ZNF277: variants seen among roughly 807,000 people sequenced by gnomAD.
ZNF277 encodes nuclear receptor-interacting factor 4.
Under a neutral mutation model 60.7 loss-of-function variants are expected in ZNF277, and 55 were observed. The observed-to-expected ratio is 0.91, with a 90% CI of 0.73 to 1.13. ZNF277 has a LOEUF of 1.13. ZNF277 is among the 50% of genes most tolerant of loss of function. The pLI, the probability that ZNF277 is intolerant of heterozygous loss-of-function variation, is 0.00. For missense variants in ZNF277, 510 were observed against 523.0 expected, an observed-to-expected ratio of 0.98 and a Z score of 0.24; for synonymous variants, 178 against 179.3, an observed-to-expected ratio of 0.99 and a Z score of 0.06.
intron 1 of ZNF277, among the ~76,000 whole-genome samples, chr7:112,249,412 A>T (rs574474195): frequency 6.6e-6 from 1 of 152,302 alleles, no homozygotes; most frequent in Non-Finnish European, 1.5e-5. Context: ...GAGCCATTTG[A>T]TCCCTTTCAT....
intron 1 of ZNF277, among the ~76,000 whole-genome samples, chr7:112,230,164 C>T (rs1044505492): frequency 7.2e-5 from 11 of 152,088 alleles, no homozygotes; most frequent in Middle Eastern, 3.4e-3. Context: ...CAGTGGCTCA[C>T]GCCTGTAATC....
At chr7:112,332,843 T>C (rs1425562488) in intron 7 of ZNF277, among the ~76,000 whole-genome samples, 3 of 152,208 alleles carry the variant, frequency 2.0e-5, no homozygotes, top group Admixed American at 2.0e-4. Flanking sequence ...ACTAAAGATA[T>C]ACACAGGCAC....
chr7:112,265,427 T>G (rs1187798370), intron 1 of ZNF277, among the ~76,000 whole-genome samples: 1 of 152,194 alleles, frequency 6.6e-6, no homozygotes, highest in Non-Finnish European at 1.5e-5. Flanking sequence ...GGGCGCAATT[T>G]GTTAGCTCCC....
intron 3 of ZNF277, 79 bp from the exon 4 acceptor site, chr7:112,296,150 A>G: frequency 8.9e-7 from 1 of 1,122,638 alleles, no homozygotes; most frequent in Non-Finnish European, 1.3e-6. Flanking sequence ...ACACATCTGT[A>G]TTTTTTAAGA....
intron 4 of ZNF277, among the ~76,000 whole-genome samples, chr7:112,296,919 T>TATTTATTA (rs1563219735): frequency 3.1e-5 from 2 of 65,334 alleles, no homozygotes; most frequent in Admixed American, 1.6e-4. Flanking sequence ...TTTATTTTTT[T>TATTTATTA]TTTTTTTTTT....
At chr7:112,260,038 G>A (rs1168449093) in intron 1 of ZNF277, among the ~76,000 whole-genome samples, 2 of 152,144 alleles carry the variant, frequency 1.3e-5, no homozygotes, top group Non-Finnish European at 2.9e-5. Context: ...AGGTCAACGC[G>A]GGTGAATTGC....
intron 5 of ZNF277, among the ~76,000 whole-genome samples, chr7:112,318,474 A>C (rs570860542): frequency 6.6e-6 from 1 of 152,228 alleles, no homozygotes; most frequent in South Asian, 2.1e-4. Context: ...AAATTCTTAA[A>C]ATGACAGAAG....
intron 1 of ZNF277, among the ~76,000 whole-genome samples, chr7:112,252,081 C>T (rs529751751): frequency 4.6e-5 from 7 of 152,160 alleles, no homozygotes; most frequent in Non-Finnish European, 7.3e-5. Flanking sequence ...GCCTTTTGGC[C>T]TAACTTTTTT....
chr7:112,269,029 A>G (rs1329056785), intron 1 of ZNF277, among the ~76,000 whole-genome samples: 31 of 152,146 alleles, frequency 2.0e-4, no homozygotes. Flanking sequence ...GTTATCTGGC[A>G]TTAATATGAT....
intron 2 of ZNF277, among the ~76,000 whole-genome samples, chr7:112,293,991 A>G (rs1331673632): frequency 6.6e-6 from 1 of 152,216 alleles, no homozygotes; most frequent in Non-Finnish European, 1.5e-5. Context: ...TTAATCATGA[A>G]AATAGATGTC....
chr7:112,298,108 G>C (rs1487326728), intron 4 of ZNF277, among the ~76,000 whole-genome samples: 6 of 152,142 alleles, frequency 3.9e-5, no homozygotes, highest in African/African-American at 1.4e-4. Context: ...ATACAAAGAA[G>C]TACAAGAGTA....
At chr7:112,313,512 A>G (rs1792777980) in intron 4 of ZNF277, among the ~76,000 whole-genome samples, 1 of 152,056 alleles carries the variant, frequency 6.6e-6, no homozygotes, top group African/African-American at 2.4e-5. Flanking sequence ...TTATAGTATT[A>G]AAAGTAAAAA....
chr7:112,341,200 C>A, intron 11 of ZNF277, 154 bp downstream of exon 11: 1 of 588,486 alleles, frequency 1.7e-6, no homozygotes, highest in Non-Finnish European at 2.6e-6. Context: ...TAAAAATATT[C>A]AAAATGCTTA....
chr7:112,252,951 G>A (rs1392483234), intron 1 of ZNF277, among the ~76,000 whole-genome samples: 1 of 152,152 alleles, frequency 6.6e-6, no homozygotes, highest in African/African-American at 2.4e-5. Flanking sequence ...ATAAACCAAG[G>A]CTTTTGTCCT....
chr7:112,337,688 T>G (rs1008527827), intron 8 of ZNF277, 42 bp from the exon 9 acceptor site: 1 of 1,560,354 alleles, frequency 6.4e-7, no homozygotes, highest in African/African-American at 1.4e-5. Context: ...ACTCTCTTAA[T>G]GAAGGGAATC....
At chr7:112,288,951 T>TAAAAAAAAAAAA (rs759044500) in intron 2 of ZNF277, 2 of 70,388 alleles carry the variant, frequency 2.8e-5, no homozygotes, top group Non-Finnish European at 2.5e-5. Flanking sequence ...CTGCCTTTCT[T>TAAAAAAAAAAAA]AAAAAAAAAA....
At chr7:112,225,773 C>T (rs1769329838) in intron 1 of ZNF277, among the ~76,000 whole-genome samples, 1 of 152,016 alleles carries the variant, frequency 6.6e-6, no homozygotes, top group Admixed American at 6.5e-5. Flanking sequence ...TTGTTTTTTT[C>T]ACTATGCTAT....
At chr7:112,213,045 C>T (rs1821794611) in intron 1 of ZNF277, among the ~76,000 whole-genome samples, 1 of 152,180 alleles carries the variant, frequency 6.6e-6, no homozygotes, top group South Asian at 2.1e-4. Flanking sequence ...ACCCAAATCT[C>T]ATCTTGAATT....
At chr7:112,273,116 A>C (rs955403498) in intron 1 of ZNF277, among the ~76,000 whole-genome samples, 4 of 152,154 alleles carry the variant, frequency 2.6e-5, no homozygotes, top group Admixed American at 6.5e-5. Flanking sequence ...CTCTGAGCCT[A>C]GCACAGCACA....
Sources: gnomAD v4.1 joint callset for allele counts (sites outside exome capture counted in the v4.1 genomes callset) on GRCh38, gnomAD v4.1.1 for gene constraint, MANE v1.5 for transcripts, NCBI Gene and HGNC (gene_info 2026-07-23, HGNC 2026-07-21) for gene names.